Variants in LNX1 observed in about 807,000 individuals in gnomAD.
LNX1 encodes E3 ubiquitin-protein ligase LNX.
A neutral mutation model predicts 68.4 loss-of-function variants in LNX1; 54 were observed. The ratio of observed to expected loss-of-function variants is 0.79; its 90% confidence interval spans 0.63 to 0.99. LNX1 has a LOEUF of 0.99. LNX1 is among the 50% of genes least tolerant of loss of function. The pLI is 0.00. For synonymous variants in LNX1, 336 were observed against 350.0 expected, an observed-to-expected ratio of 0.96 and a Z score of 0.45; for missense variants, 906 against 926.4, an observed-to-expected ratio of 0.98 and a Z score of 0.29.
In LNX1 at chr4:53,642,048, C is replaced by G. The variant is rs1734704815; in HGVS notation, c.-215+10120G>C. Among the ~76,000 whole-genome samples, 3 of 151,716 alleles carry G rather than the reference C, an allele frequency of 2.0e-5. No individual in the cohort carries two copies. The South Asian group carries it at 6.3e-4, about 32-fold the overall frequency. On this transcript the variant is annotated intron_variant, in intron 1 of 2. Transcript: ENST00000507168. ...CCAGTCTGGGCAACATAGTGGAGAA[C>G]TCATCTCTACAAAAAATAAAAACAT...
At chr4:53,624,403 G>T (rs968235542) in intron 1 of LNX1, among the ~76,000 whole-genome samples, 4 of 152,082 alleles carry the variant, frequency 2.6e-5, no homozygotes, top group Admixed American at 2.0e-4. Flanking sequence ...CCTTTCACTT[G>T]GTTCTTATCC....
intron 2 of LNX1, among the ~76,000 whole-genome samples, chr4:53,527,355 A>G (rs1727691948): frequency 6.6e-6 from 1 of 152,226 alleles, no homozygotes; most frequent in African/African-American, 2.4e-5. Flanking sequence ...ACTTAGATGT[A>G]GAGCACTTTC....
At chr4:53,528,582 A>T (rs1187089502) in intron 2 of LNX1, among the ~76,000 whole-genome samples, 2 of 152,190 alleles carry the variant, frequency 1.3e-5, no homozygotes, top group African/African-American at 2.4e-5. Context: ...GCTTTATCAC[A>T]GTTACGTACA....
At chr4:53,568,492 T>G (rs1441864882) in intron 2 of LNX1, among the ~76,000 whole-genome samples, 2 of 151,912 alleles carry the variant, frequency 1.3e-5, no homozygotes, top group African/African-American at 4.9e-5. Context: ...TGATGGGACA[T>G]ATTTCAAAAT....
upstream of LNX1, chr4:53,592,901 C>G (rs1429781040): frequency 1.3e-5 from 2 of 151,870 alleles, no homozygotes; most frequent in East Asian, 2.0e-4. Context: ...GTCTGGGGGC[C>G]GGCTCTGGTG....
chr4:53,634,790 C>T (rs1734405479), intron 1 of LNX1, among the ~76,000 whole-genome samples: 1 of 151,598 alleles, frequency 6.6e-6, no homozygotes, highest in South Asian at 2.1e-4. Flanking sequence ...GCATGTTTGT[C>T]CTGGGAAGTA....
intron 2 of LNX1, among the ~76,000 whole-genome samples, chr4:53,553,519 C>G (rs938291289): frequency 7.9e-5 from 12 of 152,202 alleles, no homozygotes; most frequent in Non-Finnish European, 4.4e-5. Flanking sequence ...ACAAGTCTCT[C>G]CACATGCAGG....
intron 1 of LNX1, among the ~76,000 whole-genome samples, chr4:53,648,392 C>T (rs1328147401): frequency 6.6e-6 from 1 of 152,100 alleles, no homozygotes; most frequent in African/African-American, 2.4e-5. Context: ...TGCTTATTAG[C>T]CATTTATATA....
chr4:53,582,510 TACAA>T (rs2109801084), intron 1 of LNX1, among the ~76,000 whole-genome samples: 1 of 152,310 alleles, frequency 6.6e-6, no homozygotes, highest in East Asian at 1.9e-4. Flanking sequence ...TGTGACATTT[TACAA>T]ACAGTGTGAG....
At chr4:53,636,390 G>A (rs1386505268) in intron 1 of LNX1, among the ~76,000 whole-genome samples, 2 of 152,006 alleles carry the variant, frequency 1.3e-5, no homozygotes, top group African/African-American at 4.8e-5. Context: ...GAAGATCACA[G>A]GAGAAATGCT....
intron 6 of LNX1, 128 bp downstream of exon 6, chr4:53,495,872 TTGAAAATGTTGGTCTTTCCATCC>T: frequency 1.0e-6 from 1 of 959,948 alleles, no homozygotes; most frequent in South Asian, 1.7e-5. Context: ...GGCAGAAGCT[TTGAAAATGTTGGTCTTTCCATCC>T]TGACTCCTTG....
intron 2 of LNX1, among the ~76,000 whole-genome samples, chr4:53,511,808 C>A (rs2117598): frequency 0.96 from 146,107 of 152,228 alleles, 70,407 homozygotes; most frequent in East Asian, 1. Flanking sequence ...ATAGGGTATC[C>A]TCTGCAAAGG....
intron 2 of LNX1, among the ~76,000 whole-genome samples, chr4:53,596,517 T>G (rs1732761704): frequency 6.6e-6 from 1 of 152,224 alleles, no homozygotes. Flanking sequence ...CTATATCTTA[T>G]GACAATTACA....
chr4:53,460,838 A>G lies in LNX1; in HGVS notation c.*69T>C. On this transcript the variant is annotated 3_prime_UTR_variant, in exon 11 of 11. Transcript: ENST00000263925. ...TTCTTTAAATATAAAAACTGACAAG[A>G]TAAATATAGTGTTTCAACTTCTTAG... 1 of 1,364,142 alleles carries G rather than the reference A, an allele frequency of 7.3e-7. No individual in the cohort carries two copies. The highest frequency in any genetic ancestry group is 1.0e-6 in the Non-Finnish European group (1 of 989,788). 84.5% of individuals were successfully genotyped at this position (1,364,142 alleles called of 1,614,324 possible). A position where few individuals can be genotyped will look rare whatever the true frequency, so the allele number is the denominator to read the frequency against.
chr4:53,594,511 C>T (rs1732663932), upstream of LNX1, among the ~76,000 whole-genome samples: 1 of 152,098 alleles, frequency 6.6e-6, no homozygotes, highest in Non-Finnish European at 1.5e-5. Context: ...TTAGACTAGG[C>T]TTGGCAAATC....
chr4:53,469,690 C>A (rs527976506), intron 9 of LNX1, among the ~76,000 whole-genome samples: 103 of 152,256 alleles, frequency 6.8e-4, no homozygotes, highest in South Asian at 6.0e-3. Flanking sequence ...ATACAAATTA[C>A]CATCAGAGAA....
At chr4:53,471,811 G>A (rs1416238747) in intron 9 of LNX1, among the ~76,000 whole-genome samples, 9 of 152,178 alleles carry the variant, frequency 5.9e-5, no homozygotes, top group African/African-American at 2.2e-4. Flanking sequence ...CAATTAGAAT[G>A]GCGATCATTA....
In LNX1 at chr4:53,482,272, G is replaced by A. The variant is rs75107561; in HGVS notation, c.1351-418C>T. On this transcript the variant is annotated intron_variant, in intron 6 of 10. Coordinates refer to ENST00000263925, the MANE Select transcript of LNX1 (RefSeq NM_001126328.3). ...TGGTACACAGTAAAGAAAAAGAGAT[G>A]GAGTTAATGGCAGTAACTTGCCACT... Among the ~76,000 whole-genome samples the A allele has an allele frequency of 6.7e-3, 1,022 of 152,294 alleles. 12 individuals carry two copies. The highest frequency in any genetic ancestry group is 0.024 in the African/African-American group (985 of 41,554).
chr4:53,478,084 A>G (rs1053168241), intron 8 of LNX1, among the ~76,000 whole-genome samples: 1 of 152,232 alleles, frequency 6.6e-6, no homozygotes, highest in Non-Finnish European at 1.5e-5. Context: ...ATGAGCTTAA[A>G]GTAGTGAAAT....
Sources: gnomAD v4.1 joint callset for allele counts (sites outside exome capture counted in the v4.1 genomes callset) on GRCh38, gnomAD v4.1.1 for gene constraint, MANE v1.5 for transcripts, NCBI Gene and HGNC (gene_info 2026-07-23, HGNC 2026-07-21) for gene names.